The following MTA3 variants were observed in gnomAD, a reference collection of about 807,000 sequenced individuals.
MTA3 encodes metastasis associated 1 family member 3.
In MTA3, 34 loss-of-function variants were observed where a neutral mutation model predicts 83.5. The ratio of observed to expected loss-of-function variants is 0.41; its 90% confidence interval spans 0.31 to 0.54. The LOEUF is 0.54. Among genes scored for constraint, MTA3 ranks in the 20% least tolerant of loss-of-function variants. The pLI is 0.33. For synonymous variants in MTA3, 303 were observed against 252.7 expected (o/e 1.20, Z -1.89); for missense variants, 761 against 726.4 (o/e 1.05, Z -0.55).
intron 2 of MTA3, among the ~76,000 whole-genome samples, chr2:42,518,223 A>T (rs2103686642): frequency 6.6e-6 from 1 of 152,290 alleles, no homozygotes; most frequent in African/African-American, 2.4e-5. Flanking sequence ...AGTTGCATGC[A>T]CTAAGCACCC....
intron 8 of MTA3, among the ~76,000 whole-genome samples, chr2:42,671,015 G>T (rs915478987): frequency 6.6e-6 from 1 of 151,678 alleles, no homozygotes; most frequent in Non-Finnish European, 1.5e-5. Context: ...AGATTTCCTT[G>T]TGAATCACTT....
intron 3 of MTA3, among the ~76,000 whole-genome samples, chr2:42,602,038 G>A (rs1222858538): frequency 1.3e-5 from 2 of 152,146 alleles, no homozygotes; most frequent in Admixed American, 6.5e-5. Context: ...CGGGGGTCTT[G>A]CCATGTTGGC....
chr2:42,546,640 C>T (rs1676770544), intron 2 of MTA3, among the ~76,000 whole-genome samples: 1 of 152,032 alleles, frequency 6.6e-6, no homozygotes, highest in Admixed American at 6.6e-5. Context: ...AGTTGGTCAT[C>T]TTTTTTCCTG....
At chr2:42,507,654 T>A (rs1369022140) in intron 2 of MTA3, among the ~76,000 whole-genome samples, 2 of 148,710 alleles carry the variant, frequency 1.3e-5, no homozygotes, top group Non-Finnish European at 3.0e-5. Context: ...CTAGGTCAGG[T>A]GCCGTGGCTC....
Position 42,554,157 on chromosome 2 carries a change from G to T in MTA3, c.-140-16280G>T, listed in dbSNP as rs182550219. The stretch of plus-strand genomic sequence containing the variant: ...GCTGAGGTACGGGAATCGCTTGAAT[G>T]CAGGAGATGGAGTTTGCAGTGAGCC... On this transcript the variant is annotated intron_variant, in intron 2 of 17. Transcript: ENST00000405592. Among the ~76,000 whole-genome samples, 556 of 149,962 alleles carry T rather than the reference G, an allele frequency of 3.7e-3. 7 individuals carry two copies. Among genetic ancestry groups the T allele is most frequent in the African/African-American group, 0.013 (528 of 40,866 alleles).
At chr2:42,658,672 T>C (rs1689395680) in intron 7 of MTA3, among the ~76,000 whole-genome samples, 1 of 152,196 alleles carries the variant, frequency 6.6e-6, no homozygotes, top group South Asian at 2.1e-4. Context: ...TCATGTTCTT[T>C]CTTGAACTGT....
intron 6 of MTA3, among the ~76,000 whole-genome samples, chr2:42,652,053 C>T (rs146736578): frequency 4.0e-5 from 6 of 151,808 alleles, no homozygotes; most frequent in East Asian, 1.9e-4. Flanking sequence ...GCCAAGATCA[C>T]GGCATTGCAC....
intron 2 of MTA3, among the ~76,000 whole-genome samples, chr2:42,509,803 T>C (rs1674813062): frequency 6.6e-6 from 1 of 151,810 alleles, no homozygotes; most frequent in Non-Finnish European, 1.5e-5. Flanking sequence ...AAAAGTAAAA[T>C]AAAGGAATAA....
intron 2 of MTA3, among the ~76,000 whole-genome samples, chr2:42,505,063 T>C (rs1179178355): frequency 1.3e-5 from 2 of 152,006 alleles, no homozygotes; most frequent in Non-Finnish European, 2.9e-5. Flanking sequence ...ACTGTTATTA[T>C]TACTCCCATT....
At chr2:42,752,625 C>T (rs1047764710) in intron 16 of MTA3, among the ~76,000 whole-genome samples, 3 of 152,122 alleles carry the variant, frequency 2.0e-5, no homozygotes, top group African/African-American at 7.2e-5. Flanking sequence ...AGTTCACTCC[C>T]CTCCTACAAG....
intron 2 of MTA3, among the ~76,000 whole-genome samples, chr2:42,542,842 C>G (rs1268795319): frequency 6.6e-6 from 1 of 152,094 alleles, no homozygotes; most frequent in Non-Finnish European, 1.5e-5. Flanking sequence ...CAGGCGTGAC[C>G]CACTGCACCC....
intron 3 of MTA3, among the ~76,000 whole-genome samples, chr2:42,605,707 C>CG (rs1683227794): frequency 8.0e-6 from 1 of 125,274 alleles, no homozygotes; most frequent in Non-Finnish European, 1.7e-5. Context: ...GCTGGCCGGG[C>CG]GGGGGGCCGA....
chr2:42,639,129 C>T (rs1033508613), intron 4 of MTA3, among the ~76,000 whole-genome samples: 4 of 149,894 alleles, frequency 2.7e-5, no homozygotes, highest in Admixed American at 2.0e-4. Flanking sequence ...GGCACGATCT[C>T]GGCTCACTGC....
chr2:42,687,850 C>CT (rs1271989057), intron 9 of MTA3, among the ~76,000 whole-genome samples: 11 of 152,240 alleles, frequency 7.2e-5, no homozygotes, highest in Middle Eastern at 6.8e-3. Flanking sequence ...TGCAGTTGCT[C>CT]TATTTTCCCT....
intron 16 of MTA3, among the ~76,000 whole-genome samples, chr2:42,729,578 G>A (rs992975687): frequency 1.3e-5 from 2 of 152,130 alleles, no homozygotes; most frequent in Non-Finnish European, 2.9e-5. Flanking sequence ...TGTTTTAAAT[G>A]AGTTTAAAAT....
chr2:42,629,881 C>T (rs111468006), intron 4 of MTA3, among the ~76,000 whole-genome samples: 1 of 151,952 alleles, frequency 6.6e-6, no homozygotes, highest in African/African-American at 2.4e-5. Context: ...CAGGTTCAAG[C>T]AATTCTTGTG....
intron 4 of MTA3, among the ~76,000 whole-genome samples, chr2:42,633,087 A>G (rs1016157162): frequency 1.3e-5 from 2 of 151,884 alleles, no homozygotes; most frequent in African/African-American, 2.4e-5. Context: ...ACATGGTGAA[A>G]TCCTGTCTCT....
Position 42,753,976 on chromosome 2 carries a change from T to A in MTA3, c.*577T>A. On this transcript the variant is annotated 3_prime_UTR_variant, in exon 17 of 17. Coordinates refer to ENST00000405094, the MANE Select transcript of MTA3 (RefSeq NM_001330442.2). ...GTTTTTTTGAAATGGGGGAATTTGCTGTTTACCCTCTGCATTCCTATATGT... is the reference window on the plus strand; with the variant it reads ...GTTTTTTTGAAATGGGGGAATTTGCAGTTTACCCTCTGCATTCCTATATGT... 1.0e-6 allele frequency: 1 copy of A among 985,956 alleles called. No individual in the cohort carries two copies. The highest frequency in any genetic ancestry group is 1.2e-6 in the Non-Finnish European group (1 of 830,248). The allele number at this position is 985,956 out of a possible 1,614,324, so 61.1% of individuals were successfully genotyped here.
chr2:42,600,937 T>C (rs1682490195), intron 3 of MTA3, among the ~76,000 whole-genome samples: 1 of 152,110 alleles, frequency 6.6e-6, no homozygotes, highest in Non-Finnish European at 1.5e-5. Flanking sequence ...GATGGAGTCA[T>C]GTTCTGTCGC....
Sources: allele counts gnomAD v4.1 joint callset (sites outside exome capture counted in the v4.1 genomes callset), GRCh38; gene constraint gnomAD v4.1.1; transcripts MANE v1.5; gene names NCBI Gene and HGNC (gene_info 2026-07-23, HGNC 2026-07-21).